The following KLHL6 variants were observed in gnomAD, a reference collection of about 807,000 sequenced individuals.
The protein encoded by KLHL6 is kelch-like protein 6.
A neutral mutation model predicts 58.6 loss-of-function variants in KLHL6; 41 were observed. The observed-to-expected ratio is 0.70, with a 90% CI of 0.55 to 0.91. The LOEUF (loss-of-function observed/expected upper bound fraction) is 0.91, where lower values mean the gene tolerates loss of function less well. Ranked by LOEUF, KLHL6 falls within the 40% of genes least tolerant of loss-of-function variation. KLHL6 has a pLI of 0.00. For missense variants in KLHL6, 714 were observed against 805.6 expected, an observed-to-expected ratio of 0.89 and a Z score of 1.38; for synonymous variants, 338 against 322.7, an observed-to-expected ratio of 1.05 and a Z score of -0.51.
intron 2 of KLHL6, chr3:183,521,915 G>C (rs1405703091): frequency 6.7e-6 from 1 of 150,264 alleles, no homozygotes; most frequent in African/African-American, 2.4e-5. Flanking sequence ...GGCTGGTCTC[G>C]AACTCCTGAC....
chr3:183,526,078 C>T (rs897181406), intron 2 of KLHL6, among the ~76,000 whole-genome samples: 2 of 152,118 alleles, frequency 1.3e-5, no homozygotes, highest in South Asian at 2.1e-4. Context: ...GAGGCCGAGG[C>T]GGGCGGATCA....
intron 1 of KLHL6, chr3:183,552,187 C>A (rs1451462748): frequency 6.6e-6 from 1 of 152,116 alleles, no homozygotes; most frequent in African/African-American, 2.4e-5. Context: ...CAGCAAACCC[C>A]CTTCAAGAAA....
At chr3:183,496,687 T>C (rs1272488342) in intron 4 of KLHL6, among the ~76,000 whole-genome samples, 2 of 152,224 alleles carry the variant, frequency 1.3e-5, no homozygotes, top group Non-Finnish European at 2.9e-5. Flanking sequence ...AATAACTATA[T>C]CACTTGATAT....
intron 1 of KLHL6, among the ~76,000 whole-genome samples, chr3:183,533,811 C>G (rs1452493194): frequency 3.3e-5 from 5 of 151,942 alleles, no homozygotes; most frequent in Non-Finnish European, 7.4e-5. Flanking sequence ...TTGTTTTAAT[C>G]AATGGTAACC....
intron 1 of KLHL6, among the ~76,000 whole-genome samples, chr3:183,539,713 AAAAAAAAC>A (rs1240285526): frequency 6.6e-6 from 1 of 151,550 alleles, no homozygotes; most frequent in Non-Finnish European, 1.5e-5. Flanking sequence ...CATCTCAAAA[AAAAAAAAC>A]AAAAAAACAA....
At chr3:183,517,956 C>T (rs779264154) in intron 2 of KLHL6, among the ~76,000 whole-genome samples, 4 of 152,218 alleles carry the variant, frequency 2.6e-5, no homozygotes, top group Non-Finnish European at 4.4e-5. Context: ...CCCGTGAACA[C>T]AGGCAGCTGC....
At chr3:183,507,395 A>G (rs1363851636) in intron 3 of KLHL6, among the ~76,000 whole-genome samples, 1 of 152,026 alleles carries the variant, frequency 6.6e-6, no homozygotes, top group East Asian at 1.9e-4. Flanking sequence ...GTGACTAGAC[A>G]GGGCACGTTC....
At position 183,511,058 on chromosome 3, in the gene KLHL6, G is replaced by A. The variant is rs1718170756; in HGVS notation, c.460-2550C>T. On this transcript the variant is annotated intron_variant, in intron 2 of 6. Transcript: ENST00000341319. The stretch of plus-strand genomic sequence containing the variant: ...CCAGGGGACCAGCGCTCAGCATACG[G>A]AGGACCCTCACCGGCACCAGTCTCT... Among the ~76,000 whole-genome samples the A allele has an allele frequency of 2.0e-5, 3 of 152,114 alleles. No individual in the cohort carries two copies. In the South Asian group the frequency reaches 6.2e-4, roughly 31 times the overall value.
rs1387318007 is a variant in KLHL6 at position 183,492,236 on chromosome 3, G to A, written c.1565-8C>T. On this transcript the variant is annotated splice_region_variant and splice_polypyrimidine_tract_variant and intron_variant, in intron 6 of 6. Coordinates refer to ENST00000341319, the MANE Select transcript of KLHL6 (RefSeq NM_130446.4). The surrounding 1 kb of genome is among the most constrained non-coding windows in gnomAD (Gnocchi z 5.9). ...GCGCTCTCATGGCCCCACCTGAGGAGAGGGAGGAAACACGGTGGGCATCGC... is the reference window on the plus strand; with the variant it reads ...GCGCTCTCATGGCCCCACCTGAGGAAAGGGAGGAAACACGGTGGGCATCGC... 4 of 1,580,692 alleles carry A rather than the reference G, an allele frequency of 2.5e-6. No homozygotes were observed. In the African/African-American group the frequency reaches 4.1e-5, roughly 16 times the overall value.
intron 4 of KLHL6, among the ~76,000 whole-genome samples, chr3:183,494,865 G>T (rs951428953): frequency 2.6e-5 from 4 of 152,130 alleles, no homozygotes; most frequent in African/African-American, 9.7e-5. Context: ...TGTTATAAAA[G>T]TATGAGATGC....
In KLHL6 at chr3:183,491,910, A is replaced by G; in HGVS notation, c.*17T>C. The G allele has an allele frequency of 6.8e-7, 1 of 1,462,012 alleles. No homozygotes were observed. The highest frequency in any genetic ancestry group is 2.5e-5 in the Admixed American group (1 of 39,430). The allele number at this position is 1,462,012 out of a possible 1,614,324, so 90.6% of individuals were successfully genotyped here. On this transcript the variant is annotated 3_prime_UTR_variant, in exon 7 of 7. Coordinates refer to ENST00000341319, the MANE Select transcript of KLHL6 (RefSeq NM_130446.4). ...ACGCTGAGGGTCGGGGGGGCTCTCC[A>G]GCTCCCCATCCTGCCGTCAGACAGA...
chr3:183,492,072 G>GCGATAACCT lies in KLHL6; in HGVS notation c.1712_1720dup (p.Glu571_Ile573dup). On this transcript the variant is annotated inframe_insertion, in exon 7 of 7. Transcript: ENST00000341319. This position sits in a 1 kb window ranked among gnomAD's most constrained non-coding sequence, Gnocchi z 5.9. The stretch of plus-strand genomic sequence containing the variant: ...CTCGGGGTCCCAGCACAGCACCGTG[G>GCGATAACCT]CGATAACCTCGTTCTTCTCGTCCCG... The GCGATAACCT allele has an allele frequency of 6.2e-7, 1 of 1,613,996 alleles. No homozygotes were observed. The highest frequency in any genetic ancestry group is 8.5e-7 in the Non-Finnish European group (1 of 1,180,012).
intron 2 of KLHL6, among the ~76,000 whole-genome samples, chr3:183,526,146 A>G (rs1711959001): frequency 6.6e-6 from 1 of 152,080 alleles, no homozygotes. Context: ...CCTCTCTACT[A>G]AAAATACAAA....
rs146261398 is a variant in KLHL6 at position 183,497,304 on chromosome 3, C to G, written c.1147+2286G>C. 1.1e-3 allele frequency among the ~76,000 whole-genome samples: 165 copies of G among 152,262 alleles called. 1 individual carries two copies. The highest frequency in any genetic ancestry group is 4.8e-3 in the South Asian group (23 of 4,822). On this transcript the variant is annotated intron_variant, in intron 4 of 6. Coordinates refer to ENST00000341319, the MANE Select transcript of KLHL6 (RefSeq NM_130446.4). ...GCATGTGCCTGTAGTCCCAGCTACT[C>G]AGGAGGCTGAGGCAGGAGAATTGCT... is the stretch of plus-strand genomic sequence containing the variant.
intron 1 of KLHL6, among the ~76,000 whole-genome samples, chr3:183,529,001 C>T (rs989139541): frequency 6.6e-6 from 1 of 152,118 alleles, no homozygotes; most frequent in Non-Finnish European, 1.5e-5. Flanking sequence ...TTTGCAGGGA[C>T]ATGGAAGGAG....
intron 1 of KLHL6, among the ~76,000 whole-genome samples, chr3:183,541,816 A>C (rs1712563736): frequency 6.6e-6 from 1 of 152,218 alleles, no homozygotes; most frequent in Non-Finnish European, 1.5e-5. Context: ...GTGTTCAAGA[A>C]TTGCAAGTCC....
rs1711550830 is a variant in KLHL6, at chr3:183,516,091, T to G, written c.460-7583A>C. ...GCATCGTGGTGCCTTTGTAACTTGT[T>G]GCATTGTTGAGCTAACAAAATGCCA... is the stretch of plus-strand genomic sequence containing the variant. On this transcript the variant is annotated intron_variant, in intron 2 of 6. Transcript: ENST00000341319. 2.6e-5 allele frequency among the ~76,000 whole-genome samples: 4 copies of G among 152,204 alleles called. No individual in the cohort carries two copies. The South Asian group carries it at 8.3e-4, about 32-fold the overall frequency.
Position 183,499,798 on chromosome 3 carries a change from C to T in KLHL6, c.939G>A (p.Met313Ile). 6.3e-7 allele frequency: 1 copy of T among 1,599,114 alleles called. No homozygotes were observed. Among genetic ancestry groups the T allele is most frequent in the Non-Finnish European group, 8.5e-7 (1 of 1,172,810 alleles). ...EIISERTKPR[M>I]HEFQSEVFMI... ...TGAACACCTCAGACTGGAACTCATGCATCCTGGGCTTGGTGCGTTCCGAAA... is the reference window on the plus strand; with the variant it reads ...TGAACACCTCAGACTGGAACTCATGTATCCTGGGCTTGGTGCGTTCCGAAA... The change falls in exon 4 of 7, where the codon ATG becomes ATA. Residue 313 changes from methionine (M) to isoleucine (I), a missense_variant. Met to Ile is a conservative substitution (Grantham distance 10). Coordinates refer to ENST00000341319, the MANE Select transcript of KLHL6 (RefSeq NM_130446.4). The surrounding 1 kb of genome is among the most constrained non-coding windows in gnomAD (Gnocchi z 4.6).
Position 183,492,668 on chromosome 3 carries a change from T to C in KLHL6, c.1390A>G (p.Thr464Ala). Residue 464 changes from threonine to alanine, a missense_variant, in exon 6 of 7, where the codon ACC (threonine) becomes GCC (alanine). Thr to Ala is a moderately conservative substitution (Grantham distance 58). This residue lies in a region of KLHL6 where 510 missense variants were observed against 629.7 expected (regional missense o/e 0.81). Coordinates refer to ENST00000341319, the MANE Select transcript of KLHL6 (RefSeq NM_130446.4). This position sits in a 1 kb window ranked among gnomAD's most constrained non-coding sequence, Gnocchi z 5.9. ...ACATACAGCTTCTTCTTATGGCTGGTGGCTGCAAAGGAACTGACATGGACA... is the reference window on the plus strand; with the variant it reads ...ACATACAGCTTCTTCTTATGGCTGGCGGCTGCAAAGGAACTGACATGGACA... ...LLVHVSSFAA[T>A]SHKKKLYVIG... is the part of the protein sequence containing the mutation. 6.2e-7 allele frequency: 1 copy of C among 1,612,178 alleles called. No individual in the cohort carries two copies. The highest frequency in any genetic ancestry group is 8.5e-7 in the Non-Finnish European group (1 of 1,179,734).
Sources: allele counts gnomAD v4.1 joint callset (sites outside exome capture counted in the v4.1 genomes callset), GRCh38; gene constraint gnomAD v4.1.1; regional missense constraint gnomAD v4.1.1; non-coding constraint Gnocchi (gnomAD v3.1); transcripts MANE v1.5; gene names NCBI Gene and HGNC (gene_info 2026-07-23, HGNC 2026-07-21).